Variants in VPS13B observed in about 807,000 individuals in gnomAD.
VPS13B encodes the protein vacuolar protein sorting 13 homolog B, also known as intermembrane lipid transfer protein VPS13B.
In VPS13B, 285 loss-of-function variants were observed where a neutral mutation model predicts 426.4. The ratio of observed to expected loss-of-function variants is 0.67; its 90% confidence interval spans 0.61 to 0.74. The LOEUF (loss-of-function observed/expected upper bound fraction) is 0.74, where lower values mean the gene tolerates loss of function less well. VPS13B is among the 30% of genes least tolerant of loss of function. The pLI is 0.00. For synonymous variants in VPS13B, 1,676 were observed against 1,676.4 expected, an observed-to-expected ratio of 1.00 and a Z score of 0.01; for missense variants, 4,537 against 4,782.6, an observed-to-expected ratio of 0.95 and a Z score of 1.51.
chr8:99,137,172 G>T (rs1810113898), intron 12 of VPS13B, among the ~76,000 whole-genome samples: 1 of 151,502 alleles, frequency 6.6e-6, no homozygotes, highest in South Asian at 2.1e-4. Flanking sequence ...TGTATATATT[G>T]TATTATTTTA....
Position 99,699,599 on chromosome 8 carries a change from T to G in VPS13B, c.6121T>G (p.Phe2041Val). The G allele has an allele frequency of 6.2e-7, 1 of 1,614,160 alleles. No individual in the cohort carries two copies. Among genetic ancestry groups the G allele is most frequent in the Non-Finnish European group, 8.5e-7 (1 of 1,180,022 alleles). The change falls in exon 36 of 62, where the codon TTT (phenylalanine) becomes GTT (valine). Residue 2041 changes from phenylalanine to valine, a missense_variant. By Grantham distance (50) the Phe-to-Val change is conservative (BLOSUM62 -1). Around this residue, in one of 2 missense-constraint regions of VPS13B, gnomAD observed 4,311 missense variants for 4,474.3 expected, o/e 0.96. Coordinates refer to ENST00000357162, the MANE Select transcript of VPS13B (RefSeq NM_152564.5). ...CACCAAACTGGATCAGATAAACCTT[T>G]TTTTAAAGAAGATAAAAAATGCACA... ...SFTKLDQINL[F>V]LKKIKNAHSL...
At chr8:99,189,111 G>A (rs1357360239) in intron 16 of VPS13B, among the ~76,000 whole-genome samples, 5 of 151,984 alleles carry the variant, frequency 3.3e-5, no homozygotes, top group East Asian at 1.9e-4. Flanking sequence ...ATGTTAGCCC[G>A]GCTAATTTTT....
chr8:99,391,533 G>A (rs748309164), intron 20 of VPS13B, 24 bp from the exon 21 acceptor site: 3 of 1,613,862 alleles, frequency 1.9e-6, no homozygotes, highest in Non-Finnish European at 2.5e-6. Context: ...AAACTAAAAA[G>A]GTTTTCATTT....
intron 33 of VPS13B, among the ~76,000 whole-genome samples, chr8:99,603,296 C>A (rs1243346934): frequency 6.6e-6 from 1 of 152,140 alleles, no homozygotes; most frequent in East Asian, 1.9e-4. Context: ...CATTCCAAGA[C>A]CCCCAGTGGA....
chr8:99,814,889 G>T (rs897959733), intron 44 of VPS13B, among the ~76,000 whole-genome samples: 1 of 152,122 alleles, frequency 6.6e-6, no homozygotes. Context: ...TTCTTAATGA[G>T]TAGATATTAA....
chr8:99,455,923 G>A (rs1028394187), intron 23 of VPS13B, among the ~76,000 whole-genome samples: 14 of 152,142 alleles, frequency 9.2e-5, no homozygotes, highest in Admixed American at 3.3e-4. Flanking sequence ...GTACATTTAG[G>A]TACATGTATT....
chr8:99,617,929 C>T (rs1050215202), intron 33 of VPS13B, among the ~76,000 whole-genome samples: 3 of 152,080 alleles, frequency 2.0e-5, no homozygotes, highest in Non-Finnish European at 2.9e-5. Context: ...CATACCCAGC[C>T]CTTGCAGCTC....
chr8:99,271,679 A>G (rs1232813968), intron 17 of VPS13B, among the ~76,000 whole-genome samples: 1 of 152,218 alleles, frequency 6.6e-6, no homozygotes, highest in East Asian at 1.9e-4. Context: ...GAAACTTACA[A>G]TTATGGCAGA....
At chr8:99,330,618 C>T (rs1183655243) in intron 19 of VPS13B, among the ~76,000 whole-genome samples, 1 of 151,812 alleles carries the variant, frequency 6.6e-6, no homozygotes, top group Non-Finnish European at 1.5e-5. Flanking sequence ...TAAGCACTTA[C>T]AATCTATATT....
At chr8:99,778,615 C>A in intron 41 of VPS13B, 67 bp from the exon 42 acceptor site, 1 of 1,386,654 alleles carries the variant, frequency 7.2e-7, no homozygotes, top group Non-Finnish European at 1.0e-6. Flanking sequence ...AATGTCATTT[C>A]ACTCTTTATT....
chr8:99,769,510 G>A (rs1289737814), intron 40 of VPS13B, among the ~76,000 whole-genome samples: 1 of 152,122 alleles, frequency 6.6e-6, no homozygotes, highest in Non-Finnish European at 1.5e-5. Flanking sequence ...AGTGGTTTGA[G>A]AAGGATTTAC....
intron 33 of VPS13B, among the ~76,000 whole-genome samples, chr8:99,640,050 AG>A (rs1403495463): frequency 0.13 from 4,447 of 34,280 alleles, 159 homozygotes; most frequent in African/African-American, 0.2. Flanking sequence ...GAAGAAGAAG[AG>A]AAAAGAAAAG....
intron 39 of VPS13B, among the ~76,000 whole-genome samples, chr8:99,735,162 A>G (rs964688687): frequency 4.6e-5 from 7 of 152,232 alleles, no homozygotes; most frequent in African/African-American, 1.7e-4. Context: ...CACACTCAGA[A>G]AAAGTAAAGA....
chr8:99,055,036 T>G (rs1234484944), intron 3 of VPS13B, among the ~76,000 whole-genome samples: 1 of 76,764 alleles, frequency 1.3e-5, no homozygotes, highest in Non-Finnish European at 3.0e-5. Flanking sequence ...TATTTCTGTT[T>G]TTTTTTTGTT....
intron 17 of VPS13B, among the ~76,000 whole-genome samples, chr8:99,270,131 C>CTATTTTTTTTTTTTTT (rs1818502435): frequency 3.3e-5 from 1 of 30,312 alleles, no homozygotes; most frequent in Non-Finnish European, 6.0e-5. Context: ...ATATAAGAAT[C>CTATTTTTTTTTTTTTT]TTTTTTTTTT....
At chr8:99,205,013 C>A (rs1444552607) in intron 17 of VPS13B, among the ~76,000 whole-genome samples, 1 of 152,104 alleles carries the variant, frequency 6.6e-6, no homozygotes, top group South Asian at 2.1e-4. Context: ...GGGTATATAC[C>A]CAAAGGATTA....
chr8:99,365,430 CCT>C (rs1234730495), intron 19 of VPS13B, among the ~76,000 whole-genome samples: 1 of 151,070 alleles, frequency 6.6e-6, no homozygotes, highest in Admixed American at 6.6e-5. Flanking sequence ...ATAAACTCCC[CCT>C]TAGTCCTGCT....
At chr8:99,494,288 G>A (rs893754032) in intron 25 of VPS13B, among the ~76,000 whole-genome samples, 9 of 151,948 alleles carry the variant, frequency 5.9e-5, no homozygotes, top group Middle Eastern at 3.2e-3. Context: ...TTCTGTATCC[G>A]TTAAAAAATA....
intron 17 of VPS13B, among the ~76,000 whole-genome samples, chr8:99,244,131 A>G (rs1817077198): frequency 6.6e-6 from 1 of 152,178 alleles, no homozygotes; most frequent in Admixed American, 6.5e-5. Flanking sequence ...ATTGGAAACA[A>G]TGAACATTAT....
Sources: gnomAD v4.1 joint callset for allele counts (sites outside exome capture counted in the v4.1 genomes callset) on GRCh38, gnomAD v4.1.1 for gene constraint, gnomAD v4.1.1 regional missense constraint, MANE v1.5 for transcripts, NCBI Gene and HGNC (gene_info 2026-07-23, HGNC 2026-07-21) for gene names.